FAM124B: variants seen among roughly 807,000 people sequenced by gnomAD.
The protein encoded by FAM124B is protein FAM124B.
FAM124B carries 18 observed loss-of-function variants against 19.7 expected under a neutral mutation model. That is an observed-to-expected ratio of 0.92 (90% confidence interval 0.63 to 1.36). FAM124B has a LOEUF of 1.36. Among genes scored for constraint, FAM124B ranks in the 40% most tolerant of loss-of-function variants. The probability of loss-of-function intolerance (pLI) is 0.00; values close to 1 mark genes in which losing one functional copy is unlikely to be tolerated. For synonymous variants in FAM124B, 223 were observed against 225.2 expected (o/e 0.99, Z 0.09); for missense variants, 540 against 553.3 (o/e 0.98, Z 0.24).
chr2:224,389,887 A>G (rs1368227900), intron 1 of FAM124B, among the ~76,000 whole-genome samples: 8 of 152,222 alleles, frequency 5.3e-5, no homozygotes, highest in African/African-American at 1.9e-4. Context: ...TTGTCTCCCA[A>G]GGGACATTTG....
chr2:224,394,447 T>G (rs1299875900), intron 1 of FAM124B, among the ~76,000 whole-genome samples: 3 of 152,182 alleles, frequency 2.0e-5, no homozygotes, highest in Non-Finnish European at 4.4e-5. Flanking sequence ...AGTCTACCCA[T>G]GCAATTTAAC....
chr2:224,400,316 C>T (rs933335847), intron 1 of FAM124B: 12 of 574,154 alleles, frequency 2.1e-5, no homozygotes, highest in African/African-American at 1.7e-4. Flanking sequence ...TAAACAAGCT[C>T]GGCCAACATA....
chr2:224,381,739 C>G (rs1559307338), intron 1 of FAM124B, among the ~76,000 whole-genome samples: 1 of 152,040 alleles, frequency 6.6e-6, no homozygotes, highest in East Asian at 1.9e-4. Context: ...ATGTACCACT[C>G]TGATAAAGGA....
intron 1 of FAM124B, among the ~76,000 whole-genome samples, chr2:224,394,421 C>T (rs971045651): frequency 1.3e-5 from 2 of 152,132 alleles, no homozygotes; most frequent in Non-Finnish European, 2.9e-5. Context: ...TGTCCAATTA[C>T]TGCCAAATTC....
chr2:224,381,698 T>C (rs902720170), intron 1 of FAM124B, among the ~76,000 whole-genome samples: 3 of 151,968 alleles, frequency 2.0e-5, no homozygotes, highest in Non-Finnish European at 4.4e-5. Flanking sequence ...GTGATGGTGA[T>C]GTGTCGTTGT....
chr2:224,400,853 A>G (rs1690056279), intron 1 of FAM124B, among the ~76,000 whole-genome samples, 184 bp downstream of exon 1: 1 of 152,154 alleles, frequency 6.6e-6, no homozygotes, highest in African/African-American at 2.4e-5. Flanking sequence ...AGCTGTAAAA[A>G]AGTTACCTAG....
chr2:224,380,208 C>A lies in FAM124B; in HGVS notation c.733G>T (p.Val245Phe). ...ACACCAAGTTCTGGATTCAGCTGAA[C>A]CTACAGGAAAGGAAAGGAGGAACAT... ...DYDGNKILLQ[V>F]QLNPELGVKN... is the part of the protein sequence containing the mutation. The change falls in exon 2 of 2, where the codon GTT becomes TTT. Residue 245 changes from valine (V) to phenylalanine (F), a missense_variant and splice_region_variant. Coordinates refer to ENST00000409685, the MANE Select transcript of FAM124B (RefSeq NM_001122779.2). 6.5e-7 allele frequency: 1 copy of A among 1,535,412 alleles called. No homozygotes were observed.
At chr2:224,395,268 T>C (rs998286814) in intron 1 of FAM124B, among the ~76,000 whole-genome samples, 2 of 151,806 alleles carry the variant, frequency 1.3e-5, no homozygotes, top group Non-Finnish European at 2.9e-5. Context: ...TGAAAAAAAA[T>C]CTATAAAAAG....
chr2:224,395,991 C>A (rs554654919), intron 1 of FAM124B, among the ~76,000 whole-genome samples: 91 of 152,344 alleles, frequency 6.0e-4, no homozygotes, highest in African/African-American at 2.1e-3. Flanking sequence ...TAGGACTCAT[C>A]AGTGACTGCT....
At chr2:224,383,101 C>T (rs1689750498) in intron 1 of FAM124B, among the ~76,000 whole-genome samples, 2 of 152,106 alleles carry the variant, frequency 1.3e-5, no homozygotes, top group Non-Finnish European at 2.9e-5. Context: ...AATTTCTGTT[C>T]CCAAACTTTG....
intron 1 of FAM124B, among the ~76,000 whole-genome samples, chr2:224,396,646 A>T (rs1481335039): frequency 6.6e-6 from 1 of 152,198 alleles, no homozygotes; most frequent in Non-Finnish European, 1.5e-5. Flanking sequence ...CCCACAGAAC[A>T]CCACACAGCA....
In FAM124B at chr2:224,400,291, C is replaced by T; in HGVS notation, c.732+746G>A. On this transcript the variant is annotated intron_variant, in intron 1 of 1. Coordinates refer to ENST00000409685, the MANE Select transcript of FAM124B (RefSeq NM_001122779.2). The stretch of plus-strand genomic sequence containing the variant: ...AATAAAAATTAAGTCAATAGTACTG[C>T]AAACTTAACATCCCTAAACAAGCTC... 7.4e-6 allele frequency: 4 copies of T among 538,794 alleles called. 1 individual carries two copies. The highest frequency in any genetic ancestry group is 3.2e-5 in the Admixed American group (1 of 30,818). The allele number at this position is 538,794 out of a possible 1,614,324, so 33.4% of individuals were successfully genotyped here.
chr2:224,387,371 A>G (rs1689814816), intron 1 of FAM124B, among the ~76,000 whole-genome samples: 1 of 152,230 alleles, frequency 6.6e-6, no homozygotes, highest in South Asian at 2.1e-4. Flanking sequence ...TAAGGGGCAG[A>G]CTAGTATCAT....
At chr2:224,383,497 T>A (rs780858142) in intron 1 of FAM124B, among the ~76,000 whole-genome samples, 1 of 152,082 alleles carries the variant, frequency 6.6e-6, no homozygotes. Context: ...TTCCTTTCCT[T>A]TCTTTCCTTT....
rs79648297 is a variant in FAM124B, at chr2:224,387,332, T to G, written c.733-7124A>C. ...TGAACTCTTGAAAATCAAGTGAAAA[T>G]ATACATCATTGAAAAATGATTAAGC... On this transcript the variant is annotated intron_variant, in intron 1 of 1. Coordinates refer to ENST00000409685, the MANE Select transcript of FAM124B (RefSeq NM_001122779.2). Among the ~76,000 whole-genome samples the G allele has an allele frequency of 3.5e-3, 531 of 152,274 alleles. 1 individual carries two copies. Among genetic ancestry groups the G allele is most frequent in the Non-Finnish European group, 5.5e-3 (373 of 68,012 alleles).
chr2:224,383,532 G>C (rs1445219602), intron 1 of FAM124B, among the ~76,000 whole-genome samples: 1 of 148,436 alleles, frequency 6.7e-6, no homozygotes, highest in Non-Finnish European at 1.5e-5. Flanking sequence ...TTTTAAAAAA[G>C]TCTTACTATA....
At chr2:224,385,621 G>A (rs961360518) in intron 1 of FAM124B, among the ~76,000 whole-genome samples, 4 of 152,078 alleles carry the variant, frequency 2.6e-5, no homozygotes, top group African/African-American at 4.8e-5. Context: ...CTATCCAACT[G>A]CCTTCTAGCC....
intron 1 of FAM124B, among the ~76,000 whole-genome samples, chr2:224,388,956 G>A (rs999645362): frequency 6.6e-6 from 1 of 152,060 alleles, no homozygotes; most frequent in African/African-American, 2.4e-5. Flanking sequence ...TTTTTGAGAC[G>A]GAGTCTCGCT....
intron 1 of FAM124B, among the ~76,000 whole-genome samples, chr2:224,390,112 A>AAT (rs1457369856): frequency 1.2e-5 from 1 of 86,048 alleles, no homozygotes; most frequent in Admixed American, 1.2e-4. Context: ...GAGTCTTTGA[A>AAT]ATACACACAC....
Sources: gnomAD v4.1 joint callset for allele counts (sites outside exome capture counted in the v4.1 genomes callset) on GRCh38, gnomAD v4.1.1 for gene constraint, MANE v1.5 for transcripts, NCBI Gene and HGNC (gene_info 2026-07-23, HGNC 2026-07-21) for gene names.